The following PARVA variants were observed in gnomAD, a reference collection of about 807,000 sequenced individuals.
The protein encoded by PARVA is parvin alpha, also known as alpha-parvin.
In PARVA, 25 loss-of-function variants were observed where a neutral mutation model predicts 52.6. The observed-to-expected ratio is 0.48, with a 90% confidence interval of 0.35 to 0.66. The LOEUF is 0.66. PARVA is among the 30% of genes least tolerant of loss of function. The probability of loss-of-function intolerance (pLI) is 0.01; values close to 1 mark genes in which losing one functional copy is unlikely to be tolerated. For synonymous variants in PARVA, 185 were observed against 179.1 expected (o/e 1.03, Z -0.26); for missense variants, 373 against 450.9 (o/e 0.83, Z 1.56).
At chr11:12,418,160 A>AG (rs1193171635) in intron 1 of PARVA, among the ~76,000 whole-genome samples, 1 of 27,588 alleles carries the variant, frequency 3.6e-5, no homozygotes, top group African/African-American at 2.6e-4. Context: ...GGAAATCAGC[A>AG]TGGGCCAAGG....
intron 6 of PARVA, among the ~76,000 whole-genome samples, chr11:12,506,679 G>T (rs1941434895): frequency 6.6e-6 from 1 of 152,220 alleles, no homozygotes; most frequent in Non-Finnish European, 1.5e-5. Context: ...AAGAGGACAT[G>T]TTCCATAAAA....
At chr11:12,503,600 C>T (rs1386721403) in intron 5 of PARVA, among the ~76,000 whole-genome samples, 3 of 152,066 alleles carry the variant, frequency 2.0e-5, no homozygotes, top group Non-Finnish European at 4.4e-5. Flanking sequence ...GGCATGGTGG[C>T]ACATCCCTGT....
chr11:12,512,898 T>C (rs553059468), intron 8 of PARVA, among the ~76,000 whole-genome samples: 186 of 152,334 alleles, frequency 1.2e-3, no homozygotes, highest in African/African-American at 4.3e-3. Flanking sequence ...ATGGGTCTCC[T>C]GTTTTTGAAA....
intron 12 of PARVA, among the ~76,000 whole-genome samples, chr11:12,524,570 C>T (rs753664461): frequency 3.9e-5 from 6 of 152,210 alleles, no homozygotes; most frequent in East Asian, 1.9e-4. Flanking sequence ...CTGATCTGCC[C>T]GTGCTGTTAT....
At chr11:12,511,571 G>T (rs1375448318) in intron 8 of PARVA, 38 bp downstream of exon 8, 1 of 1,607,786 alleles carries the variant, frequency 6.2e-7, no homozygotes, top group Non-Finnish European at 8.5e-7. Flanking sequence ...ACTGGTGGCT[G>T]CACTGGGGCT....
intron 1 of PARVA, among the ~76,000 whole-genome samples, chr11:12,379,631 A>T (rs1448264744): frequency 2.8e-5 from 2 of 70,674 alleles, no homozygotes; most frequent in Non-Finnish European, 8.2e-5. Flanking sequence ...GAAAGCTGTG[A>T]TGCTGTGTGA....
chr11:12,406,311 G>A (rs1939905187), intron 1 of PARVA, among the ~76,000 whole-genome samples: 1 of 152,238 alleles, frequency 6.6e-6, no homozygotes, highest in Non-Finnish European at 1.5e-5. Flanking sequence ...CTGATTGGAT[G>A]AGGTCCAGCC....
At chr11:12,457,767 A>G (rs1183832790) in intron 1 of PARVA, among the ~76,000 whole-genome samples, 1 of 151,358 alleles carries the variant, frequency 6.6e-6, no homozygotes, top group Non-Finnish European at 1.5e-5. Flanking sequence ...GGACCACTCA[A>G]AATAGTGGGG....
rs185293269 is a variant in PARVA at position 12,450,307 on chromosome 11, G to A, written c.137-23438G>A. On this transcript the variant is annotated intron_variant, in intron 1 of 12. Transcript: ENST00000334956. ...TCTATTTCAGATATGCAGAAACTAG[G>A]ACACAGTAGAACTTTGCTTGTATTT... Among the ~76,000 whole-genome samples, 8 of 152,296 alleles carry A rather than the reference G, an allele frequency of 5.3e-5. No homozygotes were observed. In the East Asian group the frequency reaches 1.4e-3, roughly 26 times the overall value.
At chr11:12,492,576 T>C (rs756876637) in intron 4 of PARVA, among the ~76,000 whole-genome samples, 53 of 152,180 alleles carry the variant, frequency 3.5e-4, no homozygotes, top group Non-Finnish European at 6.0e-4. Flanking sequence ...GTTGAATACC[T>C]TAAAGATAAA....
chr11:12,453,932 C>T (rs1210722611), intron 1 of PARVA, among the ~76,000 whole-genome samples: 1 of 152,216 alleles, frequency 6.6e-6, no homozygotes, highest in African/African-American at 2.4e-5. Context: ...CAGCATCTCC[C>T]TGGGGTCCTT....
At chr11:12,403,619 T>A (rs1939860734) in intron 1 of PARVA, among the ~76,000 whole-genome samples, 1 of 152,246 alleles carries the variant, frequency 6.6e-6, no homozygotes, top group Non-Finnish European at 1.5e-5. Context: ...AATAAGAGAT[T>A]AGATTTGTTT....
At chr11:12,484,298 T>C (rs979149767) in intron 4 of PARVA, among the ~76,000 whole-genome samples, 5 of 152,198 alleles carry the variant, frequency 3.3e-5, no homozygotes, top group African/African-American at 1.2e-4. Context: ...TGTGGTATGT[T>C]TCATTTGACT....
intron 5 of PARVA, among the ~76,000 whole-genome samples, chr11:12,500,875 A>G (rs1443710395): frequency 1.3e-5 from 2 of 151,986 alleles, no homozygotes; most frequent in Non-Finnish European, 2.9e-5. Flanking sequence ...TTGGGAGGCC[A>G]AGGTGGGTGG....
chr11:12,522,446 C>T (rs140929082), intron 12 of PARVA, among the ~76,000 whole-genome samples: 3 of 120,216 alleles, frequency 2.5e-5, no homozygotes, highest in African/African-American at 6.5e-5. Flanking sequence ...TTTCTTGAGA[C>T]GGAGTTTCGC....
chr11:12,513,228 T>C, intron 8 of PARVA, 71 bp from the exon 9 acceptor site: 1 of 1,372,364 alleles, frequency 7.3e-7, no homozygotes, highest in South Asian at 1.2e-5. Flanking sequence ...CGCGTGGCTC[T>C]GGGACCCAAG....
Position 12,517,648 on chromosome 11 carries a change from C to T in PARVA, c.906C>T (p.Leu302=). The change falls in exon 11 of 13, where the codon CTC becomes CTT. Residue 302 remains leucine, a synonymous_variant. Coordinates refer to ENST00000334956, the MANE Select transcript of PARVA (RefSeq NM_018222.5). ...TGTACCTGGTGCTGCTCATGGGGCT[C>T]CTGGAGGGCTACTTTGTGCCCCTGC... The part of the protein sequence containing the change: ...DGVYLVLLMG[L]LEGYFVPLHS... 3 of 1,605,266 alleles carry T rather than the reference C, an allele frequency of 1.9e-6. No homozygotes were observed. Among genetic ancestry groups the T allele is most frequent in the Non-Finnish European group, 2.6e-6 (3 of 1,175,836 alleles).
intron 1 of PARVA, among the ~76,000 whole-genome samples, chr11:12,395,708 T>G (rs1382268012): frequency 6.6e-6 from 1 of 152,212 alleles, no homozygotes; most frequent in Non-Finnish European, 1.5e-5. Flanking sequence ...CAGGTGAAGC[T>G]TGCTCATGGC....
At chr11:12,413,211 C>A (rs1432239462) in intron 1 of PARVA, among the ~76,000 whole-genome samples, 3 of 152,138 alleles carry the variant, frequency 2.0e-5, no homozygotes, top group Non-Finnish European at 4.4e-5. Flanking sequence ...GAAATTGAGG[C>A]CCGGGAACAT....
Sources: gnomAD v4.1 joint callset for allele counts (sites outside exome capture counted in the v4.1 genomes callset) on GRCh38, gnomAD v4.1.1 for gene constraint, MANE v1.5 for transcripts, NCBI Gene and HGNC (gene_info 2026-07-23, HGNC 2026-07-21) for gene names.